Variants in PHF21A observed in about 807,000 individuals in gnomAD.
PHF21A encodes BHC80a.
A neutral mutation model predicts 82.5 loss-of-function variants in PHF21A; 11 were observed. The ratio of observed to expected loss-of-function variants is 0.13; its 90% CI spans 0.08 to 0.22. The LOEUF (loss-of-function observed/expected upper bound fraction) is 0.22, where lower values mean the gene tolerates loss of function less well. PHF21A is among the 10% of genes least tolerant of loss of function. The probability of loss-of-function intolerance (pLI) is 1.00; values close to 1 mark genes in which losing one functional copy is unlikely to be tolerated. For missense variants in PHF21A, 579 were observed against 837.8 expected (o/e 0.69, Z 3.81); for synonymous variants, 297 against 302.8 (o/e 0.98, Z 0.20).
At chr11:46,068,701 A>G (rs1329587411) in intron 6 of PHF21A, among the ~76,000 whole-genome samples, 1 of 152,192 alleles carries the variant, frequency 6.6e-6, no homozygotes, top group Non-Finnish European at 1.5e-5. Flanking sequence ...CAGTCAGTAG[A>G]TTCTAGTAGC....
intron 6 of PHF21A, among the ~76,000 whole-genome samples, chr11:46,022,997 T>C (rs2137928140): frequency 6.6e-6 from 1 of 152,250 alleles, no homozygotes; most frequent in Middle Eastern, 3.4e-3. Context: ...GTGATCTGTC[T>C]GCCTTGGCCT....
intron 1 of PHF21A, among the ~76,000 whole-genome samples, chr11:46,104,833 C>T (rs1453122078): frequency 6.6e-6 from 1 of 152,178 alleles, no homozygotes; most frequent in Non-Finnish European, 1.5e-5. Context: ...GTATGTGATA[C>T]ATCTTTATTG....
At chr11:46,108,586 T>A (rs199731971) in intron 1 of PHF21A, among the ~76,000 whole-genome samples, 1 of 94,050 alleles carries the variant, frequency 1.1e-5, no homozygotes, top group Non-Finnish European at 2.7e-5. Flanking sequence ...TATATATATA[T>A]AAAATACATA....
At chr11:46,029,123 A>T (rs1353751891) in intron 6 of PHF21A, among the ~76,000 whole-genome samples, 2 of 152,238 alleles carry the variant, frequency 1.3e-5, no homozygotes, top group Admixed American at 1.3e-4. Context: ...CCTTGTGGAA[A>T]TTAAGGGCTT....
chr11:45,982,973 T>C (rs2094358924), intron 6 of PHF21A, among the ~76,000 whole-genome samples: 1 of 152,198 alleles, frequency 6.6e-6, no homozygotes, highest in Non-Finnish European at 1.5e-5. Context: ...AAACACAATG[T>C]GCTCTCCTAA....
At chr11:45,961,676 G>T (rs1295585153) in intron 10 of PHF21A, among the ~76,000 whole-genome samples, 1 of 152,014 alleles carries the variant, frequency 6.6e-6, no homozygotes, top group African/African-American at 2.4e-5. Flanking sequence ...GTGGCAGTGG[G>T]GTGGAGAAGA....
chr11:46,030,123 A>T (rs547001554), intron 6 of PHF21A, among the ~76,000 whole-genome samples: 1 of 152,252 alleles, frequency 6.6e-6, no homozygotes. Flanking sequence ...TAAACAATAG[A>T]GCAAACTGCT....
chr11:46,096,561 AT>A (rs1420687849), intron 1 of PHF21A, among the ~76,000 whole-genome samples: 5 of 151,388 alleles, frequency 3.3e-5, no homozygotes, highest in Admixed American at 2.6e-4. Flanking sequence ...CCTCCTCAAA[AT>A]TTTTTTTCTC....
intron 1 of PHF21A, among the ~76,000 whole-genome samples, chr11:46,114,592 T>G (rs929196646): frequency 6.6e-6 from 1 of 152,222 alleles, no homozygotes; most frequent in Non-Finnish European, 1.5e-5. Flanking sequence ...AGGCCAGAGA[T>G]AGCAGTTGCC....
intron 4 of PHF21A, among the ~76,000 whole-genome samples, chr11:46,082,200 C>T (rs999185806): frequency 6.6e-6 from 1 of 152,198 alleles, no homozygotes; most frequent in Non-Finnish European, 1.5e-5. Flanking sequence ...GTTTTCACTC[C>T]ACAATACCAG....
intron 1 of PHF21A, among the ~76,000 whole-genome samples, chr11:46,114,927 G>T (rs1005781304): frequency 6.6e-6 from 1 of 151,972 alleles, no homozygotes; most frequent in Admixed American, 6.6e-5. Flanking sequence ...TTTCCCCTAG[G>T]CCCACAAACA....
chr11:46,028,524 T>C (rs1315539948), intron 6 of PHF21A, among the ~76,000 whole-genome samples: 2 of 151,918 alleles, frequency 1.3e-5, no homozygotes, highest in Non-Finnish European at 2.9e-5. Context: ...TAATTCTCAC[T>C]TTTAAGTTTA....
intron 7 of PHF21A, among the ~76,000 whole-genome samples, chr11:45,978,060 G>A (rs989634642): frequency 2.0e-5 from 3 of 152,076 alleles, no homozygotes; most frequent in African/African-American, 7.2e-5. Flanking sequence ...CTAGCACTTT[G>A]GGAGGCCGAG....
At chr11:46,027,166 C>G (rs1339668038) in intron 6 of PHF21A, 1 of 152,210 alleles carries the variant, frequency 6.6e-6, no homozygotes, top group East Asian at 1.9e-4. Flanking sequence ...TGTCTCACAT[C>G]ACTCTGCTTT....
chr11:46,111,536 A>G (rs1379512915), intron 1 of PHF21A, among the ~76,000 whole-genome samples: 3 of 152,222 alleles, frequency 2.0e-5, no homozygotes, highest in South Asian at 2.1e-4. Flanking sequence ...TAAACATGGT[A>G]GCCCTCAGCA....
At chr11:45,970,225 C>G (rs985985754) in intron 8 of PHF21A, 1 of 260,836 alleles carries the variant, frequency 3.8e-6, no homozygotes, top group Non-Finnish European at 7.3e-6. Context: ...AAGACTGGAT[C>G]CAAAGTAAAA....
At chr11:46,101,111 G>A (rs572680611) in intron 1 of PHF21A, among the ~76,000 whole-genome samples, 1 of 152,300 alleles carries the variant, frequency 6.6e-6, no homozygotes, top group East Asian at 1.9e-4. Context: ...ACAGGAAAGT[G>A]TACATAAAAT....
chr11:46,120,511 G>C (rs974790030), intron 1 of PHF21A: 1 of 152,160 alleles, frequency 6.6e-6, no homozygotes, highest in African/African-American at 2.4e-5. Context: ...AGGCTTCCGA[G>C]GCTGCTCATA....
intron 18 of PHF21A, chr11:45,934,836 G>C (rs2088468851): frequency 2.8e-6 from 1 of 353,684 alleles, no homozygotes. Flanking sequence ...TCCCACACCT[G>C]CTGGCTTCTA....
Sources: allele counts gnomAD v4.1 joint callset (sites outside exome capture counted in the v4.1 genomes callset), GRCh38; gene constraint gnomAD v4.1.1; transcripts MANE v1.5; gene names NCBI Gene and HGNC (gene_info 2026-07-23, HGNC 2026-07-21).